The following AGPAT3 variants were observed in gnomAD, a reference collection of about 807,000 sequenced individuals.
The protein encoded by AGPAT3 is 1-acyl-sn-glycerol-3-phosphate acyltransferase gamma.
A neutral mutation model predicts 47.3 loss-of-function variants in AGPAT3; 5 were observed. The ratio of observed to expected loss-of-function variants is 0.11; its 90% CI spans 0.06 to 0.22. The LOEUF is 0.22. Among genes scored for constraint, AGPAT3 ranks in the 10% least tolerant of loss-of-function variants. AGPAT3 has a pLI of 1.00. For synonymous variants in AGPAT3, 212 were observed against 208.3 expected (o/e 1.02, Z -0.15); for missense variants, 315 against 493.0 (o/e 0.64, Z 3.42).
intron 2 of AGPAT3, among the ~76,000 whole-genome samples, chr21:43,947,713 G>C (rs536644782): frequency 6.8e-6 from 1 of 147,268 alleles, no homozygotes; most frequent in African/African-American, 2.5e-5. Context: ...TTTTGAGACA[G>C]AGTTTCAAAA....
chr21:43,941,907 A>G (rs2087670018), intron 2 of AGPAT3, among the ~76,000 whole-genome samples: 1 of 152,270 alleles, frequency 6.6e-6, no homozygotes, highest in Non-Finnish European at 1.5e-5. Flanking sequence ...CTGTCTGGGA[A>G]GAGTGCCGCA....
chr21:43,905,467 C>T lies in AGPAT3; in HGVS notation c.-49+1448C>T, dbSNP rs1014348961. On this transcript the variant is annotated intron_variant, in intron 2 of 9. Coordinates refer to ENST00000291572, the MANE Select transcript of AGPAT3 (RefSeq NM_020132.5). ...CCTCCCAAAGTGCTGGGATTACAGG[C>T]GTGAGCCACTGCGCCCGGCCTAGTG... Among the ~76,000 whole-genome samples, 11 of 152,188 alleles carry T rather than the reference C, an allele frequency of 7.2e-5. No homozygotes were observed. The East Asian group carries it at 1.2e-3, about 16-fold the overall frequency.
At position 43,959,621 on chromosome 21, in the gene AGPAT3, C is replaced by T; in HGVS notation, c.-48-13C>T. The T allele has an allele frequency of 6.2e-7, 1 of 1,602,318 alleles. No individual in the cohort carries two copies. The highest frequency in any genetic ancestry group is 8.5e-7 in the Non-Finnish European group (1 of 1,178,982). ...TGGCCACCCTGACGCTGTCCCTGTC[C>T]CTGTCTTTGCAGGACGGCTGTCCTC... is the stretch of plus-strand genomic sequence containing the variant. On this transcript the variant is annotated splice_polypyrimidine_tract_variant and intron_variant, in intron 2 of 9. Coordinates refer to ENST00000291572, the MANE Select transcript of AGPAT3 (RefSeq NM_020132.5).
rs948823709 is a variant in AGPAT3, at chr21:43,934,831, C to T, written c.-48-24803C>T. On this transcript the variant is annotated intron_variant, in intron 2 of 9. Coordinates refer to ENST00000291572, the MANE Select transcript of AGPAT3 (RefSeq NM_020132.5). This position sits in a 1 kb window ranked among gnomAD's most constrained non-coding sequence, Gnocchi z 4.7. ...CCACCCACACCACCTCTACCCCTCA[C>T]GTCACCGACGCCACTCACATGCCAC... 4.0e-5 allele frequency among the ~76,000 whole-genome samples: 6 copies of T among 149,006 alleles called. No homozygotes were observed. The highest frequency in any genetic ancestry group is 1.5e-4 in the African/African-American group (6 of 40,260).
At chr21:43,866,162 T>TGGGGAAAA in intron 1 of AGPAT3, among the ~76,000 whole-genome samples, 1 of 143,168 alleles carries the variant, frequency 7.0e-6, no homozygotes, top group East Asian at 2.1e-4. Context: ...TTTAGTGACA[T>TGGGGAAAA]GGGGAAAATG....
rs2146294414 is a variant in AGPAT3 at position 43,932,941 on chromosome 21, C to T, written c.-48-26693C>T. Among the ~76,000 whole-genome samples, 1 of 152,310 alleles carries T rather than the reference C, an allele frequency of 6.6e-6. No individual in the cohort carries two copies. Among genetic ancestry groups the T allele is most frequent in the African/African-American group, 2.4e-5 (1 of 41,558 alleles). ...CTGGGATTACAGGTGTGAGCCACCG[C>T]CCTGGGCCAGTAGTTCCATTTTTGA... is the stretch of plus-strand genomic sequence containing the variant. On this transcript the variant is annotated intron_variant, in intron 2 of 9. Transcript: ENST00000291572. The surrounding 1 kb of genome is among the most constrained non-coding windows in gnomAD (Gnocchi z 5.2).
chr21:43,900,722 AG>A (rs947860981), intron 1 of AGPAT3, among the ~76,000 whole-genome samples: 1 of 152,134 alleles, frequency 6.6e-6, no homozygotes, highest in Non-Finnish European at 1.5e-5. Context: ...CCGAGTTCAC[AG>A]GGTGGGGTGA....
In AGPAT3 at chr21:43,873,642, T is replaced by C. The variant is rs1399077786; in HGVS notation, c.-112+8297T>C. On this transcript the variant is annotated intron_variant, in intron 1 of 9. Coordinates refer to ENST00000291572, the MANE Select transcript of AGPAT3 (RefSeq NM_020132.5). ...ATCCTCCCACCTTGGCCTTCTAAAA[T>C]GCTGGGATTACAGGCGTGAGCCACT... Among the ~76,000 whole-genome samples the C allele has an allele frequency of 2.6e-5, 4 of 152,206 alleles. No individual in the cohort carries two copies. The South Asian group carries it at 8.3e-4, about 32-fold the overall frequency.
rs372562616 is a variant in AGPAT3, at chr21:43,968,061, C to G, written c.294C>G (p.Phe98Leu). Residue 98 changes from phenylalanine to leucine, a missense_variant, in exon 4 of 10, where the codon TTC becomes TTG. Phe to Leu is a conservative substitution (Grantham distance 22, BLOSUM62 0). Transcript: ENST00000291572. ...CAGTCATCATCCTCAACCACAACTT[C>G]GAGATCGACTTCCTCTGTGGGTGGA... ...EHAVIILNHN[F>L]EIDFLCGWTM... 1 of 1,613,784 alleles carries G rather than the reference C, an allele frequency of 6.2e-7. No homozygotes were observed. Among genetic ancestry groups the G allele is most frequent in the Non-Finnish European group, 8.5e-7 (1 of 1,180,002 alleles).
At position 43,982,252 on chromosome 21, in the gene AGPAT3, A is replaced by G. The variant is rs1044285437; in HGVS notation, c.1043-52A>G. 1.4e-6 allele frequency: 2 copies of G among 1,473,744 alleles called. No individual in the cohort carries two copies. Among genetic ancestry groups the G allele is most frequent in the East Asian group, 2.3e-5 (1 of 44,042 alleles). The allele number at this position is 1,473,744 out of a possible 1,614,324, so 91.3% of individuals were successfully genotyped here. ...AGCCCCAGTAACACGTTTTACAGCA[A>G]AAAGGCAAAGTCATCCGTCTCACCT... On this transcript the variant is annotated intron_variant, in intron 9 of 9. Transcript: ENST00000291572. The surrounding 1 kb of genome is among the most constrained non-coding windows in gnomAD (Gnocchi z 6.2).
intron 6 of AGPAT3, among the ~76,000 whole-genome samples, chr21:43,971,140 C>G (rs1168919618): frequency 6.6e-6 from 1 of 152,210 alleles, no homozygotes; most frequent in East Asian, 1.9e-4. Flanking sequence ...CAGGGTCACA[C>G]TCACAGCGTC....
rs77396007 is a variant in AGPAT3, at chr21:43,908,286, G to A, written c.-49+4267G>A. ...TTGGGGCTGGTCACTCCCCAGCCCT[G>A]AGGACTCTGGGGAAGGAATGCCTGT... On this transcript the variant is annotated intron_variant, in intron 2 of 9. Transcript: ENST00000291572. The surrounding 1 kb of genome is among the most constrained non-coding windows in gnomAD (Gnocchi z 4.9). Among the ~76,000 whole-genome samples, 1,876 of 152,266 alleles carry A rather than the reference G, an allele frequency of 0.012. 43 individuals are homozygous for A. The highest frequency in any genetic ancestry group is 0.042 in the African/African-American group (1,748 of 41,554).
intron 2 of AGPAT3, among the ~76,000 whole-genome samples, chr21:43,948,872 A>G (rs530773321): frequency 2.6e-5 from 4 of 152,142 alleles, no homozygotes; most frequent in South Asian, 4.2e-4. Flanking sequence ...CAAGTCCCCA[A>G]ACAGTGGCTG....
At chr21:43,937,645 C>T (rs945078210) in intron 2 of AGPAT3, among the ~76,000 whole-genome samples, 3 of 152,140 alleles carry the variant, frequency 2.0e-5, no homozygotes, top group East Asian at 1.9e-4. Context: ...CTCACTGCAG[C>T]CTTGAACTCC....
In AGPAT3 at chr21:43,933,097, G is replaced by A. The variant is rs1443681301; in HGVS notation, c.-48-26537G>A. 6.6e-6 allele frequency among the ~76,000 whole-genome samples: 1 copy of A among 152,142 alleles called. No individual in the cohort carries two copies. Among genetic ancestry groups the A allele is most frequent in the African/African-American group, 2.4e-5 (1 of 41,428 alleles). On this transcript the variant is annotated intron_variant, in intron 2 of 9. Coordinates refer to ENST00000291572, the MANE Select transcript of AGPAT3 (RefSeq NM_020132.5). The surrounding 1 kb of genome is among the most constrained non-coding windows in gnomAD (Gnocchi z 6.0). ...TGTTACATTCGTCTTTTTGATAATA[G>A]CCAACTGAACGGCATGAAATGACAC...
At chr21:43,914,764 A>T (rs1569061238) in intron 2 of AGPAT3, among the ~76,000 whole-genome samples, 1 of 151,818 alleles carries the variant, frequency 6.6e-6, no homozygotes, top group African/African-American at 2.4e-5. Context: ...CTGGTTTCGA[A>T]CTCCTGGTCT....
At chr21:43,890,895 G>A (rs919950463) in intron 1 of AGPAT3, among the ~76,000 whole-genome samples, 1 of 151,996 alleles carries the variant, frequency 6.6e-6, no homozygotes, top group Non-Finnish European at 1.5e-5. Flanking sequence ...CCGCCACCAC[G>A]CCTGGATAAT....
chr21:43,985,245 G>A lies in AGPAT3; in HGVS notation c.*2853G>A, dbSNP rs1222881901. ...TCTTCCCCCGTGTGAGACACTGGTTGTCTGGTACTCGGCGACAGTGTACCA... is the reference window on the plus strand; with the variant it reads ...TCTTCCCCCGTGTGAGACACTGGTTATCTGGTACTCGGCGACAGTGTACCA... On this transcript the variant is annotated 3_prime_UTR_variant, in exon 10 of 10. Coordinates refer to ENST00000291572, the MANE Select transcript of AGPAT3 (RefSeq NM_020132.5). The A allele has an allele frequency of 2.2e-6, 1 of 456,300 alleles. No individual in the cohort carries two copies. Among genetic ancestry groups the A allele is most frequent in the Non-Finnish European group, 4.4e-6 (1 of 226,962 alleles). 28.3% of individuals were successfully genotyped at this position (456,300 alleles called of 1,614,324 possible).
intron 2 of AGPAT3, among the ~76,000 whole-genome samples, chr21:43,945,228 G>A (rs764799052): frequency 2.6e-5 from 4 of 152,136 alleles, no homozygotes; most frequent in East Asian, 3.8e-4. Context: ...TTTGGCCTAC[G>A]GGGTCCCAGG....
Sources: allele counts gnomAD v4.1 joint callset (sites outside exome capture counted in the v4.1 genomes callset), GRCh38; gene constraint gnomAD v4.1.1; non-coding constraint Gnocchi (gnomAD v3.1); transcripts MANE v1.5; gene names NCBI Gene and HGNC (gene_info 2026-07-23, HGNC 2026-07-21).